PGM1: variants seen among roughly 807,000 people sequenced by gnomAD.
The protein encoded by PGM1 is phosphoglucomutase-1.
A neutral mutation model predicts 55.6 loss-of-function variants in PGM1; 52 were observed. The observed-to-expected ratio is 0.94, with a 90% CI of 0.75 to 1.18. The LOEUF is 1.18. PGM1 is among the 50% of genes most tolerant of loss of function. The pLI is 0.00. For missense variants in PGM1, 724 were observed against 729.3 expected, an observed-to-expected ratio of 0.99 and a Z score of 0.08; for synonymous variants, 287 against 271.7, an observed-to-expected ratio of 1.06 and a Z score of -0.55.
At chr1:63,598,542 G>A (rs1203981631) in intron 1 of PGM1, among the ~76,000 whole-genome samples, 1 of 152,136 alleles carries the variant, frequency 6.6e-6, no homozygotes, top group Non-Finnish European at 1.5e-5. Context: ...AATTTTTATT[G>A]ATGATAAATT....
intron 7 of PGM1, among the ~76,000 whole-genome samples, chr1:63,646,056 T>A (rs1420229031): frequency 6.6e-6 from 1 of 151,952 alleles, no homozygotes; most frequent in Non-Finnish European, 1.5e-5. Context: ...CCTAGGGAAG[T>A]TGGGAGCTAG....
At chr1:63,623,846 A>G in intron 1 of PGM1, 1 of 886,058 alleles carries the variant, frequency 1.1e-6, no homozygotes, top group Non-Finnish European at 1.7e-6. Flanking sequence ...AAGGATTTAT[A>G]TGTGGTATAC....
intron 4 of PGM1, among the ~76,000 whole-genome samples, chr1:63,632,975 A>T (rs766274092): frequency 5.9e-5 from 9 of 152,158 alleles, no homozygotes; most frequent in Middle Eastern, 3.2e-3. Flanking sequence ...GTGAGCGGAG[A>T]TCACACCACT....
chr1:63,595,846 TA>T (rs1173457484), intron 1 of PGM1, among the ~76,000 whole-genome samples: 7 of 149,442 alleles, frequency 4.7e-5, no homozygotes, highest in Non-Finnish European at 7.5e-5. Flanking sequence ...TAGTTAAGAC[TA>T]AAAAAAAAAG....
chr1:63,652,893 G>A (rs1649846328), intron 9 of PGM1, among the ~76,000 whole-genome samples: 1 of 152,206 alleles, frequency 6.6e-6, no homozygotes, highest in Admixed American at 6.5e-5. Flanking sequence ...GTCCAGTTTG[G>A]ATGATTGTAA....
Position 63,654,416 on chromosome 1 carries a change from T to C in PGM1, c.1549T>C (p.Tyr517His). 6.2e-7 allele frequency: 1 copy of C among 1,614,078 alleles called. No homozygotes were observed. Among genetic ancestry groups the C allele is most frequent in the Admixed American group, 1.7e-5 (1 of 60,032 alleles). ...TGSAGATIRL[Y>H]IDSYEKDVAK... ...GAGTGCCGGGGCCACCATTCGGCTGTACATCGATAGCTATGAGAAGGACGT... is the reference window on the plus strand; with the variant it reads ...GAGTGCCGGGGCCACCATTCGGCTGCACATCGATAGCTATGAGAAGGACGT... Residue 517 changes from tyrosine (Y) to histidine (H), a missense_variant, in exon 10 of 11, where the codon TAC becomes CAC. This residue lies in a region of PGM1 where 316 missense variants were observed against 313.1 expected (regional missense o/e 1.01). Transcript: ENST00000371084.
At position 63,651,076 on chromosome 1, in the gene PGM1, G is replaced by GA. The variant is rs371402218; in HGVS notation, c.1281-582dup. 3.4e-4 allele frequency among the ~76,000 whole-genome samples: 49 copies of GA among 143,694 alleles called. 2 individuals are homozygous for GA. The highest frequency in any genetic ancestry group is 6.3e-4 in the Admixed American group (9 of 14,350). 94.3% of individuals were successfully genotyped at this position (143,694 alleles called of 152,430 possible). A position where few individuals can be genotyped will look rare whatever the true frequency, so the allele number is the denominator to read the frequency against. ...TATCTTGAAACTTACTAAAATTAAT[G>GA]AAAAAAAAAAAGGCATTTTAGATGT... is the stretch of plus-strand genomic sequence containing the variant. On this transcript the variant is annotated intron_variant, in intron 8 of 10. Coordinates refer to ENST00000371084, the MANE Select transcript of PGM1 (RefSeq NM_002633.3).
Position 63,659,595 on chromosome 1 carries a change from G to GC in PGM1, c.1615dup (p.Leu539ProfsTer30). ...TCTATGTCTTCCTCAGGTCATGTTG[G>GC]CCCCCCTTATTTCCATTGCTCTGAA... On this transcript the variant is annotated frameshift_variant, in exon 11 of 11. Transcript: ENST00000371084. LOFTEE classifies it high-confidence loss of function. The GC allele has an allele frequency of 4.3e-6, 7 of 1,613,384 alleles. No homozygotes were observed. The highest frequency in any genetic ancestry group is 5.9e-6 in the Non-Finnish European group (7 of 1,179,510).
chr1:63,623,471 T>C, intron 1 of PGM1: 1 of 1,612,034 alleles, frequency 6.2e-7, no homozygotes, highest in South Asian at 1.1e-5. Context: ...ATGAGTGATT[T>C]TGAAGAATGG....
At chr1:63,606,531 G>A (rs1288557236) in intron 1 of PGM1, among the ~76,000 whole-genome samples, 1 of 152,108 alleles carries the variant, frequency 6.6e-6, no homozygotes, top group Non-Finnish European at 1.5e-5. Context: ...CTTCATGCCA[G>A]CTAACATGCC....
chr1:63,622,518 C>G (rs931562988), intron 1 of PGM1, among the ~76,000 whole-genome samples: 6 of 152,112 alleles, frequency 3.9e-5, no homozygotes, highest in Non-Finnish European at 1.5e-5. Context: ...ATGTTAAAAA[C>G]GAATCTCATG....
intron 9 of PGM1, among the ~76,000 whole-genome samples, chr1:63,653,287 T>C (rs1649870629): frequency 6.6e-6 from 1 of 152,186 alleles, no homozygotes; most frequent in Admixed American, 6.5e-5. Flanking sequence ...TTTTAGAGGC[T>C]TCAAGTTGAA....
At chr1:63,650,011 G>A (rs894265288) in intron 8 of PGM1, among the ~76,000 whole-genome samples, 1 of 152,218 alleles carries the variant, frequency 6.6e-6, no homozygotes, top group African/African-American at 2.4e-5. Flanking sequence ...AGGAGGGGTT[G>A]TTCAGAGAAA....
At chr1:63,634,623 A>G (rs1405343559) in intron 4 of PGM1, among the ~76,000 whole-genome samples, 1 of 152,060 alleles carries the variant, frequency 6.6e-6, no homozygotes, top group East Asian at 1.9e-4. Context: ...CTTTTCCAAC[A>G]TAATCTCTCA....
chr1:63,640,696 C>G (rs1649492671), intron 7 of PGM1, among the ~76,000 whole-genome samples: 1 of 152,336 alleles, frequency 6.6e-6, no homozygotes, highest in African/African-American at 2.4e-5. Flanking sequence ...CAGGATAGCA[C>G]AAGCTGCTCC....
At position 63,593,686 on chromosome 1, in the gene PGM1, C is replaced by A; in HGVS notation, c.198C>A (p.Tyr66Ter). The A allele has an allele frequency of 6.2e-7, 1 of 1,605,446 alleles. No individual in the cohort carries two copies. Among genetic ancestry groups the A allele is most frequent in the South Asian group, 1.1e-5 (1 of 89,884 alleles). The change falls in exon 1 of 11, where the codon TAC (tyrosine) becomes TAA (stop). Residue 66 changes from tyrosine (Y) to a stop codon, truncating the protein, a stop_gained. Transcript: ENST00000371084. LOFTEE classifies it high-confidence loss of function. ...TLVVGGDGRF[Y>*]MKEAIQLIAR... Reference sequence around the variant, plus strand: ...TGGTGGGCGGGGACGGCCGGTTCTACATGAAGGAGGCCATCCAGCTCATCG... The same window carrying A: ...TGGTGGGCGGGGACGGCCGGTTCTAAATGAAGGAGGCCATCCAGCTCATCG...
intron 1 of PGM1, among the ~76,000 whole-genome samples, chr1:63,602,065 A>T (rs1648259858): frequency 2.0e-5 from 3 of 152,232 alleles, no homozygotes; most frequent in Admixed American, 2.0e-4. Context: ...CTTGTCCAGT[A>T]TGCTAATGGT....
intron 1 of PGM1, among the ~76,000 whole-genome samples, chr1:63,616,702 G>A (rs1290041742): frequency 6.7e-6 from 1 of 149,872 alleles, no homozygotes; most frequent in African/African-American, 2.6e-5. Context: ...CTGAGGCAGA[G>A]GCAGCTGTTA....
chr1:63,636,864 C>T (rs1470256982), intron 6 of PGM1, among the ~76,000 whole-genome samples: 1 of 152,216 alleles, frequency 6.6e-6, no homozygotes, highest in Non-Finnish European at 1.5e-5. Context: ...GCAGTGTGCA[C>T]AGAGTGTGGG....
Sources: gnomAD v4.1 joint callset for allele counts (sites outside exome capture counted in the v4.1 genomes callset) on GRCh38, gnomAD v4.1.1 for gene constraint, gnomAD v4.1.1 regional missense constraint, MANE v1.5 for transcripts, NCBI Gene and HGNC (gene_info 2026-07-23, HGNC 2026-07-21) for gene names.